The following ZMYM2 variants were observed in gnomAD, a reference collection of about 807,000 sequenced individuals.
ZMYM2 encodes zinc finger MYM-type containing 2.
In ZMYM2, 56 loss-of-function variants were observed where a neutral mutation model predicts 162.8. The ratio of observed to expected loss-of-function variants is 0.34; its 90% CI spans 0.28 to 0.43. The LOEUF (loss-of-function observed/expected upper bound fraction) is 0.43, where lower values mean the gene tolerates loss of function less well. Among genes scored for constraint, ZMYM2 ranks in the 20% least tolerant of loss-of-function variants. The probability of loss-of-function intolerance (pLI) is 1.00; values close to 1 mark genes in which losing one functional copy is unlikely to be tolerated. For synonymous variants in ZMYM2, 510 were observed against 541.6 expected, an observed-to-expected ratio of 0.94 and a Z score of 0.81; for missense variants, 1,275 against 1,621.8, an observed-to-expected ratio of 0.79 and a Z score of 3.67.
chr13:20,056,318 C>A (rs1424872410), intron 14 of ZMYM2, among the ~76,000 whole-genome samples: 1 of 152,204 alleles, frequency 6.6e-6, no homozygotes, highest in Non-Finnish European at 1.5e-5. Flanking sequence ...TGAACACTAT[C>A]TTCAGGGTGA....
intron 21 of ZMYM2, 86 bp from the exon 22 acceptor site, chr13:20,081,926 TTTTC>T: frequency 1.3e-6 from 1 of 753,144 alleles, no homozygotes; most frequent in Non-Finnish European, 2.0e-6. Flanking sequence ...AGCTTTATTT[TTTTC>T]TTAAGAAATA....
upstream of ZMYM2, among the ~76,000 whole-genome samples, chr13:19,955,668 C>T (rs968672031): frequency 6.6e-6 from 1 of 152,180 alleles, no homozygotes; most frequent in Non-Finnish European, 1.5e-5. Context: ...GTTGCCCAGG[C>T]TGGAGTGCAG....
At chr13:19,994,669 G>A (rs1360968874) in intron 3 of ZMYM2, among the ~76,000 whole-genome samples, 1 of 151,864 alleles carries the variant, frequency 6.6e-6, no homozygotes, top group East Asian at 1.9e-4. Context: ...TTTGTATTTT[G>A]TATGGGGTTT....
the ZMYM2 span, among the ~76,000 whole-genome samples, chr13:19,906,052 G>A: frequency 8.6e-5 from 13 of 151,728 alleles, no homozygotes; most frequent in Non-Finnish European, 1.5e-5. Context: ...GAGGCAGTCG[G>A]ATCACCTGAG....
chr13:19,942,650 C>T, the ZMYM2 span, among the ~76,000 whole-genome samples: 4 of 151,814 alleles, frequency 2.6e-5, no homozygotes, highest in African/African-American at 7.3e-5. Flanking sequence ...GTTGAAGCTG[C>T]AGTGGGCCAT....
intron 12 of ZMYM2, among the ~76,000 whole-genome samples, chr13:20,042,922 C>T (rs1954404681): frequency 6.6e-6 from 1 of 152,098 alleles, no homozygotes; most frequent in Non-Finnish European, 1.5e-5. Flanking sequence ...TGGGGTTTCA[C>T]CATGTTGGCC....
At chr13:19,937,908 G>T in the ZMYM2 span, among the ~76,000 whole-genome samples, 1 of 151,274 alleles carries the variant, frequency 6.6e-6, no homozygotes, top group Non-Finnish European at 1.5e-5. Flanking sequence ...TTGTCCTTGC[G>T]ATAGTTTGCT....
the ZMYM2 span, among the ~76,000 whole-genome samples, chr13:19,870,538 T>TTTCTTC: frequency 4.9e-3 from 255 of 51,664 alleles, 1 homozygote; most frequent in African/African-American, 0.014. Context: ...TCTTTCTTTC[T>TTTCTTC]CTTTCTTTCT....
chr13:19,867,013 C>T, the ZMYM2 span, among the ~76,000 whole-genome samples: 4 of 152,012 alleles, frequency 2.6e-5, no homozygotes, highest in African/African-American at 4.8e-5. Context: ...TAAAATAAAC[C>T]GTAGAGGAAA....
chr13:20,011,156 C>T (rs1951146252), intron 6 of ZMYM2, among the ~76,000 whole-genome samples: 1 of 152,122 alleles, frequency 6.6e-6, no homozygotes, highest in Admixed American at 6.5e-5. Context: ...TTCTATAGTG[C>T]TATGGAACAA....
chr13:20,087,472 T>C lies in ZMYM2; in HGVS notation c.*1458T>C, dbSNP rs1484573950. ...TCCTGAATGACCATGGTAGCATTAG[T>C]GTTTAGAAATTGTTCAGGGGAAAAT... is the stretch of plus-strand genomic sequence containing the variant. On this transcript the variant is annotated 3_prime_UTR_variant, in exon 25 of 25. Coordinates refer to ENST00000610343, the MANE Select transcript of ZMYM2 (RefSeq NM_197968.4). 1 of 187,912 alleles carries C rather than the reference T, an allele frequency of 5.3e-6. No homozygotes were observed. The highest frequency in any genetic ancestry group is 2.3e-5 in the African/African-American group (1 of 42,814). 11.6% of individuals were successfully genotyped at this position (187,912 alleles called of 1,614,324 possible).
chr13:20,064,237 A>G (rs1431554650), intron 18 of ZMYM2, among the ~76,000 whole-genome samples: 1 of 152,048 alleles, frequency 6.6e-6, no homozygotes. Context: ...TTTTATGTTG[A>G]TATTCATTTT....
At chr13:20,014,423 A>T (rs116639308) in intron 6 of ZMYM2, among the ~76,000 whole-genome samples, 2 of 151,988 alleles carry the variant, frequency 1.3e-5, no homozygotes, top group African/African-American at 4.8e-5. Flanking sequence ...CACGTTTTCT[A>T]TGTCTTCTTG....
At chr13:20,070,658 A>AC (rs1957016520) in intron 21 of ZMYM2, 3 of 152,416 alleles carry the variant, frequency 2.0e-5, no homozygotes, top group Admixed American at 1.3e-4. Flanking sequence ...CTACAGGTGC[A>AC]CACCACCACG....
At chr13:20,037,111 G>A (rs959502605) in intron 12 of ZMYM2, among the ~76,000 whole-genome samples, 1 of 150,830 alleles carries the variant, frequency 6.6e-6, no homozygotes, top group Non-Finnish European at 1.5e-5. Flanking sequence ...AATAACTTAA[G>A]CATTACCAAA....
At chr13:19,864,564 G>C in the ZMYM2 span, 1 of 153,940 alleles carries the variant, frequency 6.5e-6, no homozygotes, top group Non-Finnish European at 1.5e-5. Flanking sequence ...TTGGAGCTGG[G>C]CTCTCGCGGG....
At chr13:20,022,244 T>C (rs1366298253) in intron 7 of ZMYM2, among the ~76,000 whole-genome samples, 1 of 152,220 alleles carries the variant, frequency 6.6e-6, no homozygotes, top group African/African-American at 2.4e-5. Flanking sequence ...CTAGTTTTTG[T>C]TTGTCTTTTA....
intron 19 of ZMYM2, among the ~76,000 whole-genome samples, chr13:20,066,146 C>G (rs1266652395): frequency 1.3e-5 from 2 of 152,088 alleles, no homozygotes; most frequent in African/African-American, 4.8e-5. Context: ...AAAGCAAATA[C>G]CTATATTTCA....
intron 2 of ZMYM2, among the ~76,000 whole-genome samples, chr13:19,968,468 G>A (rs974174533): frequency 2.6e-5 from 4 of 152,142 alleles, no homozygotes; most frequent in African/African-American, 9.7e-5. Flanking sequence ...AACCATGTTA[G>A]CTAGGCTGGT....
Sources: gnomAD v4.1 joint callset for allele counts (sites outside exome capture counted in the v4.1 genomes callset) on GRCh38, gnomAD v4.1.1 for gene constraint, MANE v1.5 for transcripts, NCBI Gene and HGNC (gene_info 2026-07-23, HGNC 2026-07-21) for gene names.